The following DNAH12 variants were observed in gnomAD, a reference collection of about 807,000 sequenced individuals.
DNAH12 encodes the protein dynein axonemal heavy chain 12, also known as axonemal beta dynein heavy chain 12.
In DNAH12, 285 loss-of-function variants were observed where a neutral mutation model predicts 371.5. The ratio of observed to expected loss-of-function variants is 0.77; its 90% CI spans 0.70 to 0.85. The LOEUF (loss-of-function observed/expected upper bound fraction) is 0.85. Among genes scored for constraint, DNAH12 ranks in the 40% least tolerant of loss-of-function variants. The probability of loss-of-function intolerance (pLI) is 0.00; values close to 1 mark genes in which losing one functional copy is unlikely to be tolerated. For missense variants in DNAH12, 3,611 were observed against 3,689.4 expected, an observed-to-expected ratio of 0.98 and a Z score of 0.55; for synonymous variants, 1,200 against 1,213.0, an observed-to-expected ratio of 0.99 and a Z score of 0.22.
At chr3:57,374,988 T>G (rs1575518493) in intron 55 of DNAH12, among the ~76,000 whole-genome samples, 1 of 152,128 alleles carries the variant, frequency 6.6e-6, no homozygotes, top group East Asian at 1.9e-4. Context: ...TGATAGAGAT[T>G]TGGGTTACAC....
intron 4 of DNAH12, 152 bp downstream of exon 4, chr3:57,523,431 T>C (rs2068521277): frequency 1.6e-6 from 1 of 613,044 alleles, no homozygotes; most frequent in African/African-American, 1.9e-5. Flanking sequence ...GTTCATGACA[T>C]GTTTGCTCCC....
chr3:57,527,652 T>C (rs2068695931), intron 2 of DNAH12, among the ~76,000 whole-genome samples: 1 of 152,208 alleles, frequency 6.6e-6, no homozygotes, highest in African/African-American at 2.4e-5. Context: ...TCTACCCACA[T>C]GATCCAATCA....
chr3:57,421,496 T>A, intron 36 of DNAH12, 22 bp downstream of exon 36: 1 of 1,550,688 alleles, frequency 6.4e-7, no homozygotes, highest in Non-Finnish European at 8.7e-7. Flanking sequence ...TATCTTACCA[T>A]AACAAGCTTT....
chr3:57,477,059 G>A (rs141761353), intron 13 of DNAH12, among the ~76,000 whole-genome samples: 177 of 152,250 alleles, frequency 1.2e-3, no homozygotes, highest in African/African-American at 4.0e-3. Flanking sequence ...TCTCACCGGG[G>A]AGTGTCGGAA....
At chr3:57,552,910 C>T in the DNAH12 span, among the ~76,000 whole-genome samples, 1 of 151,788 alleles carries the variant, frequency 6.6e-6, no homozygotes, top group Non-Finnish European at 1.5e-5. Flanking sequence ...GGCGTGGTGG[C>T]TCATGCCTAT....
chr3:57,472,433 T>C, intron 14 of DNAH12, 113 bp downstream of exon 14: 3 of 1,346,056 alleles, frequency 2.2e-6, no homozygotes, highest in Non-Finnish European at 3.0e-6. Flanking sequence ...CAAACTCATA[T>C]TGACACACAA....
At position 57,322,492 on chromosome 3, in the gene DNAH12, A is replaced by G; in HGVS notation, c.10384-9T>C. The G allele has an allele frequency of 6.5e-7, 1 of 1,550,166 alleles. No homozygotes were observed. Among genetic ancestry groups the G allele is most frequent in the South Asian group, 1.2e-5 (1 of 83,390 alleles). ...AGAATTGTTACTGGGAACTAAGACA[A>G]AATAAATGGAGAGCATTATACAAGA... is the stretch of plus-strand genomic sequence containing the variant. On this transcript the variant is annotated splice_polypyrimidine_tract_variant and intron_variant, in intron 64 of 73. Transcript: ENST00000495027.
chr3:57,534,225 C>A (rs1169360572), intron 2 of DNAH12, among the ~76,000 whole-genome samples: 1 of 152,174 alleles, frequency 6.6e-6, no homozygotes, highest in African/African-American at 2.4e-5. Flanking sequence ...TGCCATGCAG[C>A]CACTGCTGGG....
intron 29 of DNAH12, among the ~76,000 whole-genome samples, chr3:57,437,284 G>A (rs2065158514): frequency 6.6e-6 from 1 of 152,166 alleles, no homozygotes; most frequent in African/African-American, 2.4e-5. Context: ...ATCATAGCAT[G>A]ATAGTACTGG....
intron 2 of DNAH12, among the ~76,000 whole-genome samples, chr3:57,540,413 T>C (rs1366482846): frequency 6.6e-6 from 1 of 152,146 alleles, no homozygotes; most frequent in East Asian, 1.9e-4. Flanking sequence ...ATCTGCTAAA[T>C]AAACTGTTGT....
intron 59 of DNAH12, among the ~76,000 whole-genome samples, chr3:57,355,617 C>T (rs2062780579): frequency 6.6e-6 from 1 of 152,060 alleles, no homozygotes; most frequent in South Asian, 2.1e-4. Flanking sequence ...TACAAAGTGG[C>T]CACCTTATTT....
At chr3:57,474,114 A>G (rs972417666) in intron 13 of DNAH12, among the ~76,000 whole-genome samples, 2 of 152,208 alleles carry the variant, frequency 1.3e-5, no homozygotes, top group Non-Finnish European at 2.9e-5. Context: ...ATTGTACTAG[A>G]GTCCCAGACA....
At chr3:57,381,146 G>A (rs1002496621) in intron 50 of DNAH12, among the ~76,000 whole-genome samples, 6 of 152,088 alleles carry the variant, frequency 3.9e-5, no homozygotes. Flanking sequence ...GCCAACCATA[G>A]GGTAAAAGCA....
chr3:57,491,611 T>A (rs983849080), intron 11 of DNAH12, among the ~76,000 whole-genome samples: 5 of 152,026 alleles, frequency 3.3e-5, no homozygotes, highest in Non-Finnish European at 7.4e-5. Flanking sequence ...CCTGTTTTAT[T>A]TTTACACAAA....
At chr3:57,426,107 G>T (rs1228782661) in intron 34 of DNAH12, among the ~76,000 whole-genome samples, 1 of 152,092 alleles carries the variant, frequency 6.6e-6, no homozygotes, top group African/African-American at 2.4e-5. Flanking sequence ...ACAAGGGAAG[G>T]ATATTCAAGG....
At chr3:57,520,353 A>G (rs2068373888) in intron 4 of DNAH12, among the ~76,000 whole-genome samples, 1 of 151,732 alleles carries the variant, frequency 6.6e-6, no homozygotes, top group African/African-American at 2.4e-5. Context: ...GGCCTCCCAA[A>G]GTGCTTGGAT....
chr3:57,504,807 G>A (rs1480246663), intron 8 of DNAH12, among the ~76,000 whole-genome samples: 2 of 151,926 alleles, frequency 1.3e-5, no homozygotes, highest in Admixed American at 6.6e-5. Context: ...TAGTTACCCA[G>A]TTGTGCTAGC....
chr3:57,432,636 T>TCACACATA (rs1487358496), intron 32 of DNAH12, among the ~76,000 whole-genome samples: 1 of 152,072 alleles, frequency 6.6e-6, no homozygotes, highest in Non-Finnish European at 1.5e-5. Flanking sequence ...AATATGAACA[T>TCACACATA]CACACATATA....
rs182644525 is a variant in DNAH12, at chr3:57,513,525, T to A, written c.280-2546A>T. Among the ~76,000 whole-genome samples the A allele has an allele frequency of 1.7e-3, 248 of 149,036 alleles. 3 individuals carry two copies. Among genetic ancestry groups the A allele is most frequent in the Admixed American group, 0.014 (208 of 14,936 alleles). ...AAACTTATAATAAAAAAAATACTAC[T>A]AAACTGTACCCTTAAAAATGGTTAA... On this transcript the variant is annotated intron_variant, in intron 4 of 73. Coordinates refer to ENST00000495027, the MANE Select transcript of DNAH12 (RefSeq NM_001366028.2).
Sources: allele counts gnomAD v4.1 joint callset (sites outside exome capture counted in the v4.1 genomes callset), GRCh38; gene constraint gnomAD v4.1.1; transcripts MANE v1.5; gene names NCBI Gene and HGNC (gene_info 2026-07-23, HGNC 2026-07-21).